ARID4B: variants seen among roughly 807,000 people sequenced by gnomAD.
ARID4B encodes AT-rich interactive domain-containing protein 4B.
In ARID4B, 26 loss-of-function variants were observed where a neutral mutation model predicts 147.5. The observed-to-expected ratio is 0.18, with a 90% CI of 0.13 to 0.24. The LOEUF is 0.24. Ranked by LOEUF, ARID4B falls within the 10% of genes least tolerant of loss-of-function variation. ARID4B has a pLI of 1.00. For synonymous variants in ARID4B, 512 were observed against 507.9 expected (o/e 1.01, Z -0.11); for missense variants, 1,179 against 1,511.5 (o/e 0.78, Z 3.65).
At chr1:235,194,571 A>AGCAC (rs1665357313) in intron 18 of ARID4B, among the ~76,000 whole-genome samples, 1 of 152,202 alleles carries the variant, frequency 6.6e-6, no homozygotes, top group South Asian at 2.1e-4. Flanking sequence ...CTGTAATCCC[A>AGCAC]GCACTTTGGG....
At chr1:235,236,833 AATATAT>A (rs1553299956) in intron 8 of ARID4B, among the ~76,000 whole-genome samples, 28 of 33,506 alleles carry the variant, frequency 8.4e-4, no homozygotes, top group South Asian at 1.6e-3. Context: ...TTTTATAAAA[AATATAT>A]ATATATATAT....
rs1432623302 is a variant in ARID4B, at chr1:235,182,496, T to C, written c.2423A>G (p.Lys808Arg). Residue 808 changes from lysine (K) to arginine (R), a missense_variant, in exon 20 of 24, where the codon AAG becomes AGG. Physicochemically the swap from Lys to Arg is conservative, Grantham distance 26. Around this residue, in one of 10 missense-constraint regions of ARID4B, gnomAD observed 321 missense variants for 342.4 expected, o/e 0.94. Coordinates refer to ENST00000264183, the MANE Select transcript of ARID4B (RefSeq NM_016374.6). ...DEVTKKRKDV[K>R]KDTTDKSSKP... Reference sequence around the variant, plus strand: ...TGAAGATTTATCTGTTGTGTCCTTCTTGACATCCTTTCTCTTTTTTGTGAC... The same window carrying C: ...TGAAGATTTATCTGTTGTGTCCTTCCTGACATCCTTTCTCTTTTTTGTGAC... 1.2e-6 allele frequency: 2 copies of C among 1,613,580 alleles called. No individual in the cohort carries two copies. Among genetic ancestry groups the C allele is most frequent in the East Asian group, 4.5e-5 (2 of 44,870 alleles).
Position 235,182,762 on chromosome 1 carries a change from C to T in ARID4B, c.2157G>A (p.Gln719=). The change falls in exon 20 of 24, where the codon CAG becomes CAA. Residue 719 remains glutamine, a synonymous_variant. Transcript: ENST00000264183. ...ASESSAEDSE[Q]EDERGAQDMD... is the part of the protein sequence containing the mutation. ...TGTCTTGAGCACCTCTCTCATCTTC[C>T]TGCTCACTGTCTTCAGCAGAACTTT... 2 of 1,599,594 alleles carry T rather than the reference C, an allele frequency of 1.3e-6. No individual in the cohort carries two copies. The highest frequency in any genetic ancestry group is 2.2e-5 in the East Asian group (1 of 44,690).
intron 19 of ARID4B, among the ~76,000 whole-genome samples, chr1:235,187,442 G>A (rs1279828362): frequency 6.6e-6 from 1 of 152,160 alleles, no homozygotes; most frequent in Non-Finnish European, 1.5e-5. Flanking sequence ...GATTAAGAAT[G>A]CCCTATTAAA....
chr1:235,273,952 T>C (rs1671145737), intron 2 of ARID4B, among the ~76,000 whole-genome samples: 1 of 152,246 alleles, frequency 6.6e-6, no homozygotes, highest in Non-Finnish European at 1.5e-5. Flanking sequence ...CGTTGTTTTA[T>C]AATCAAACCT....
chr1:235,203,614 T>C (rs1195521797), intron 17 of ARID4B, among the ~76,000 whole-genome samples: 1 of 152,204 alleles, frequency 6.6e-6, no homozygotes. Context: ...ATTCATTTAA[T>C]AATTGTTGCA....
chr1:235,326,046 C>A (rs1360568243), intron 2 of ARID4B, among the ~76,000 whole-genome samples: 2 of 152,032 alleles, frequency 1.3e-5, no homozygotes, highest in Non-Finnish European at 2.9e-5. Context: ...CCTTTTCAAG[C>A]ACTTCTGAAT....
chr1:235,252,424 G>T (rs973880202), intron 6 of ARID4B, among the ~76,000 whole-genome samples: 8 of 152,142 alleles, frequency 5.3e-5, no homozygotes, highest in Non-Finnish European at 8.8e-5. Flanking sequence ...TTACAAATCA[G>T]AAATCTGTTT....
Position 235,310,691 on chromosome 1 carries a change from G to A in ARID4B, c.6+16223C>T, listed in dbSNP as rs534280135. 5.3e-5 allele frequency among the ~76,000 whole-genome samples: 8 copies of A among 151,984 alleles called. 1 individual carries two copies. In the South Asian group the frequency reaches 1.2e-3, roughly 24 times the overall value. On this transcript the variant is annotated intron_variant, in intron 2 of 23. Coordinates refer to ENST00000264183, the MANE Select transcript of ARID4B (RefSeq NM_016374.6). ...GTGTTTTTGATTTTGTTTTTAAAAC[G>A]GGGTCTTGCTCTGTCACCTAGGCTG...
chr1:235,173,264 A>C (rs1396248675), intron 22 of ARID4B, among the ~76,000 whole-genome samples: 1 of 152,138 alleles, frequency 6.6e-6, no homozygotes, highest in African/African-American at 2.4e-5. Context: ...TAATCGCTTG[A>C]ATCTGGAAGG....
chr1:235,173,116 T>C (rs1336308681), intron 22 of ARID4B, among the ~76,000 whole-genome samples: 2 of 151,958 alleles, frequency 1.3e-5, no homozygotes, highest in African/African-American at 4.8e-5. Flanking sequence ...GAGGCCGAGG[T>C]GGGCGGATCA....
intron 2 of ARID4B, among the ~76,000 whole-genome samples, chr1:235,268,484 C>A (rs187148977): frequency 6.6e-6 from 1 of 152,158 alleles, no homozygotes; most frequent in Admixed American, 6.5e-5. Flanking sequence ...CAAAAGACAG[C>A]CCAGTAACAA....
rs560362026 is a variant in ARID4B, at chr1:235,278,668, G to C, written c.7-17916C>G. On this transcript the variant is annotated intron_variant, in intron 2 of 23. Coordinates refer to ENST00000264183, the MANE Select transcript of ARID4B (RefSeq NM_016374.6). Reference sequence around the variant, plus strand: ...AACTTTACTAGTAAGTATTTCTTATGTTGATCTACAAAAGCAACACACCTT... The same window carrying C: ...AACTTTACTAGTAAGTATTTCTTATCTTGATCTACAAAAGCAACACACCTT... 3.9e-5 allele frequency among the ~76,000 whole-genome samples: 6 copies of C among 152,230 alleles called. No homozygotes were observed. The South Asian group carries it at 1.2e-3, about 32-fold the overall frequency.
chr1:235,265,998 C>T (rs1174402708), intron 2 of ARID4B, among the ~76,000 whole-genome samples: 1 of 152,018 alleles, frequency 6.6e-6, no homozygotes, highest in Non-Finnish European at 1.5e-5. Flanking sequence ...AAAAAAAATT[C>T]CCACATAAAT....
At position 235,240,376 on chromosome 1, in the gene ARID4B, G is replaced by C; in HGVS notation, c.522C>G (p.Gly174=). ...DDRKQIDELL[G]KVVCVDYISL... ...TAATGTAATCTACACATACAACTTTGCCTAGTAGCTCATCAATCTGTTTCC... is the reference window on the plus strand; with the variant it reads ...TAATGTAATCTACACATACAACTTTCCCTAGTAGCTCATCAATCTGTTTCC... Residue 174 remains glycine (G), a synonymous_variant, in exon 8 of 24, where the codon GGC becomes GGG. Transcript: ENST00000264183. 1 of 1,613,300 alleles carries C rather than the reference G, an allele frequency of 6.2e-7. No individual in the cohort carries two copies. Among genetic ancestry groups the C allele is most frequent in the Non-Finnish European group, 8.5e-7 (1 of 1,179,500 alleles).
intron 22 of ARID4B, among the ~76,000 whole-genome samples, chr1:235,173,803 TA>T (rs1663629366): frequency 1.3e-5 from 1 of 77,060 alleles, no homozygotes; most frequent in African/African-American, 5.5e-5. Context: ...TATATATATA[TA>T]TATATATATG....
chr1:235,224,167 G>C (rs1396585110), intron 12 of ARID4B, among the ~76,000 whole-genome samples: 1 of 152,124 alleles, frequency 6.6e-6, no homozygotes, highest in Non-Finnish European at 1.5e-5. Flanking sequence ...CTTCCAGCTA[G>C]AAAGCCTCTC....
rs529301988 is a variant in ARID4B at position 235,217,054 on chromosome 1, C to CT, written c.1583+2738dup. On this transcript the variant is annotated intron_variant, in intron 16 of 23. Transcript: ENST00000264183. Reference sequence around the variant, plus strand: ...AATGCCAACAGCAAGCACAATCATACTTTAAGTAGTAGCCCAGGCAAATTT... The same window carrying CT: ...AATGCCAACAGCAAGCACAATCATACTTTTAAGTAGTAGCCCAGGCAAATTT... Among the ~76,000 whole-genome samples the CT allele has an allele frequency of 3.3e-5, 5 of 152,240 alleles. No individual in the cohort carries two copies. The East Asian group carries it at 9.6e-4, about 29-fold the overall frequency.
chr1:235,302,623 T>G (rs1673261570), intron 2 of ARID4B, among the ~76,000 whole-genome samples: 2 of 152,216 alleles, frequency 1.3e-5, no homozygotes, highest in South Asian at 4.1e-4. Flanking sequence ...TGCATTATAC[T>G]CCTATTGATA....
Sources: gnomAD v4.1 joint callset for allele counts (sites outside exome capture counted in the v4.1 genomes callset) on GRCh38, gnomAD v4.1.1 for gene constraint, gnomAD v4.1.1 regional missense constraint, MANE v1.5 for transcripts, NCBI Gene and HGNC (gene_info 2026-07-23, HGNC 2026-07-21) for gene names.